HMCN1: variants seen among roughly 807,000 people sequenced by gnomAD.
HMCN1 encodes hemicentin-1.
In HMCN1, 321 loss-of-function variants were observed where a neutral mutation model predicts 625.9. That is an observed-to-expected ratio of 0.51 (90% CI 0.47 to 0.56). HMCN1 has a LOEUF of 0.56. Among genes scored for constraint, HMCN1 ranks in the 20% least tolerant of loss-of-function variants. The pLI, the probability that HMCN1 is intolerant of heterozygous loss-of-function variation, is 0.00. For synonymous variants in HMCN1, 2,425 were observed against 2,417.6 expected (o/e 1.00, Z -0.09); for missense variants, 6,588 against 6,887.3 (o/e 0.96, Z 1.54).
At chr1:185,773,463 G>A (rs1159603429) in intron 1 of HMCN1, among the ~76,000 whole-genome samples, 4 of 152,136 alleles carry the variant, frequency 2.6e-5, no homozygotes, top group Non-Finnish European at 1.5e-5. Context: ...TGTTATTGAT[G>A]ATGTTATGTC....
chr1:185,810,331 T>C (rs1659434159), intron 1 of HMCN1, among the ~76,000 whole-genome samples: 1 of 152,090 alleles, frequency 6.6e-6, no homozygotes, highest in East Asian at 1.9e-4. Context: ...TGGGAAGAGA[T>C]TGAAGTGAAA....
intron 13 of HMCN1, among the ~76,000 whole-genome samples, chr1:185,965,466 C>T (rs1413156060): frequency 6.6e-6 from 1 of 152,014 alleles, no homozygotes; most frequent in Non-Finnish European, 1.5e-5. Flanking sequence ...TATTGTTTCT[C>T]TAAGATGTAT....
chr1:185,763,981 G>A (rs1655698822), intron 1 of HMCN1, among the ~76,000 whole-genome samples: 1 of 152,126 alleles, frequency 6.6e-6, no homozygotes, highest in Non-Finnish European at 1.5e-5. Flanking sequence ...ATATGTTCTA[G>A]GAGCCAGGAA....
intron 4 of HMCN1, among the ~76,000 whole-genome samples, chr1:185,897,336 A>G (rs1665546086): frequency 6.6e-6 from 1 of 152,134 alleles, no homozygotes; most frequent in African/African-American, 2.4e-5. Flanking sequence ...TTCTTCCAGT[A>G]GAATCCTTCT....
chr1:185,810,198 C>A (rs1010282706), intron 1 of HMCN1, among the ~76,000 whole-genome samples: 1 of 152,050 alleles, frequency 6.6e-6, no homozygotes, highest in African/African-American at 2.4e-5. Flanking sequence ...CCAATCTAGT[C>A]TCTTTCATCT....
intron 1 of HMCN1, among the ~76,000 whole-genome samples, chr1:185,738,082 G>C (rs1437234742): frequency 6.6e-6 from 1 of 152,124 alleles, no homozygotes; most frequent in Non-Finnish European, 1.5e-5. Context: ...TGATGTTAAC[G>C]GTGGTTAAGA....
In HMCN1 at chr1:185,880,645, G is replaced by A. The variant is rs1220460663; in HGVS notation, c.621+14782G>A. On this transcript the variant is annotated intron_variant, in intron 4 of 106. Transcript: ENST00000271588. ...CTCCACAAGAGAAAGACCTGCTTCT[G>A]TCTTTAATTTTTAATATTTCTGCTG... 2.0e-5 allele frequency among the ~76,000 whole-genome samples: 3 copies of A among 152,138 alleles called. No individual in the cohort carries two copies. In the East Asian group the frequency reaches 5.8e-4, roughly 29 times the overall value.
At chr1:185,759,795 T>C (rs1655372415) in intron 1 of HMCN1, among the ~76,000 whole-genome samples, 1 of 152,118 alleles carries the variant, frequency 6.6e-6, no homozygotes, top group South Asian at 2.1e-4. Context: ...CATCCCATGA[T>C]TTTGTTAGTG....
rs558886705 is a variant in HMCN1 at position 185,870,325 on chromosome 1, A to G, written c.621+4462A>G. On this transcript the variant is annotated intron_variant, in intron 4 of 106. Transcript: ENST00000271588. ...TTCCTTTTGGTGTAAGAAAAAGTCCAAGTTGGAAATCTCAAAGTTTCTCAC... is the reference window on the plus strand; with the variant it reads ...TTCCTTTTGGTGTAAGAAAAAGTCCGAGTTGGAAATCTCAAAGTTTCTCAC... Among the ~76,000 whole-genome samples the G allele has an allele frequency of 6.6e-5, 10 of 152,284 alleles. No homozygotes were observed. The South Asian group carries it at 2.1e-3, about 32-fold the overall frequency.
At chr1:186,077,097 C>T (rs1352340071) in intron 54 of HMCN1, among the ~76,000 whole-genome samples, 1 of 152,054 alleles carries the variant, frequency 6.6e-6, no homozygotes, top group Non-Finnish European at 1.5e-5. Context: ...ATAATATTTT[C>T]AAGGCTTCTA....
rs188496061 is a variant in HMCN1, at chr1:186,154,050, A to C, written c.15256+63A>C. 5.8e-5 allele frequency: 78 copies of C among 1,345,544 alleles called. No homozygotes were observed. In the African/African-American group the frequency reaches 1.0e-3, roughly 17 times the overall value. The allele number at this position is 1,345,544 out of a possible 1,614,324, so 83.4% of individuals were successfully genotyped here. A position where few individuals can be genotyped will look rare whatever the true frequency, so the allele number is the denominator to read the frequency against. ...CCAGTCTAAAGGGTTAAAAAAATTC[A>C]AAATAAGGACATTGAGGCCTACATC... On this transcript the variant is annotated intron_variant, in intron 97 of 106. Transcript: ENST00000271588.
At chr1:186,182,032 G>A (rs1652964867) in intron 104 of HMCN1, 136 bp from the exon 105 acceptor site, 2 of 908,488 alleles carry the variant, frequency 2.2e-6, no homozygotes, top group Admixed American at 1.8e-5. Context: ...ATAGCTCTGA[G>A]CATTTTTTAA....
Position 186,003,856 on chromosome 1 carries a change from T to C in HMCN1, c.4475+12T>C, listed in dbSNP as rs780980376. ...TTCAAAGATGGCAAGTGAGTATCTTTTCTGTATTTGTTGCAAGGTTTCAAT... is the reference window on the plus strand; with the variant it reads ...TTCAAAGATGGCAAGTGAGTATCTTCTCTGTATTTGTTGCAAGGTTTCAAT... On this transcript the variant is annotated intron_variant, in intron 29 of 106. Transcript: ENST00000271588. 5.6e-6 allele frequency: 9 copies of C among 1,612,648 alleles called. No individual in the cohort carries two copies. Among genetic ancestry groups the C allele is most frequent in the Admixed American group, 1.7e-5 (1 of 59,930 alleles).
In HMCN1 at chr1:186,109,955, A is replaced by T. The variant is rs982788578; in HGVS notation, c.10989+1358A>T. 7.9e-5 allele frequency among the ~76,000 whole-genome samples: 12 copies of T among 152,278 alleles called. 1 individual carries two copies. The highest frequency in any genetic ancestry group is 2.6e-4 in the African/African-American group (11 of 41,564). On this transcript the variant is annotated intron_variant, in intron 71 of 106. Coordinates refer to ENST00000271588, the MANE Select transcript of HMCN1 (RefSeq NM_031935.3). The stretch of plus-strand genomic sequence containing the variant: ...CCATTAGGTGTAAAGGTAAAAACTG[A>T]GTGAATGTTGATGATGGAGGAGTCT...
chr1:185,846,145 C>T (rs780510179), intron 2 of HMCN1, 49 bp downstream of exon 2: 1 of 1,350,422 alleles, frequency 7.4e-7, no homozygotes, highest in Admixed American at 1.7e-5. Context: ...AAATCATGAG[C>T]CTTTGGCTGA....
chr1:186,041,247 A>G (rs1004450777), intron 40 of HMCN1, 111 bp downstream of exon 40: 3 of 919,228 alleles, frequency 3.3e-6, no homozygotes, highest in African/African-American at 3.3e-5. Context: ...AACCTTAGAA[A>G]TGATATTACA....
chr1:185,849,811 A>AT (rs1022254387), intron 2 of HMCN1, among the ~76,000 whole-genome samples: 3 of 151,644 alleles, frequency 2.0e-5, no homozygotes, highest in Admixed American at 6.6e-5. Flanking sequence ...CTGTTACTGG[A>AT]TTTTTTTTGA....
chr1:186,166,811 T>C lies in HMCN1; in HGVS notation c.15443T>C (p.Ile5148Thr). 6.2e-7 allele frequency: 1 copy of C among 1,614,160 alleles called. No homozygotes were observed. Among genetic ancestry groups the C allele is most frequent in the Non-Finnish European group, 8.5e-7 (1 of 1,180,002 alleles). ...TGAATGATTCCCTCTGTTGCAGATA[T>C]TGATGAGTGTGCTTTGGGTAGGCAT... ...IAADGRTCQD[I>T]DECALGRHTC... Residue 5148 changes from isoleucine to threonine, a missense_variant, in exon 100 of 107, where the codon ATT (isoleucine) becomes ACT (threonine). Coordinates refer to ENST00000271588, the MANE Select transcript of HMCN1 (RefSeq NM_031935.3).
chr1:186,106,995 T>C (rs1660639005), intron 70 of HMCN1, 30 bp downstream of exon 70: 1 of 1,299,730 alleles, frequency 7.7e-7, no homozygotes, highest in Admixed American at 1.7e-5. Context: ...CTACAGTCTA[T>C]CATACACACA....
Sources: allele counts gnomAD v4.1 joint callset (sites outside exome capture counted in the v4.1 genomes callset), GRCh38; gene constraint gnomAD v4.1.1; transcripts MANE v1.5; gene names NCBI Gene and HGNC (gene_info 2026-07-23, HGNC 2026-07-21).